The following RPTOR variants were observed in gnomAD, a reference collection of about 807,000 sequenced individuals.
RPTOR encodes the protein regulatory-associated protein of mTOR.
RPTOR carries 21 observed loss-of-function variants against 169.9 expected under a neutral mutation model. The ratio of observed to expected loss-of-function variants is 0.12; its 90% CI spans 0.09 to 0.18. The LOEUF (loss-of-function observed/expected upper bound fraction) is 0.18, where lower values mean the gene tolerates loss of function less well. Among genes scored for constraint, RPTOR ranks in the 10% least tolerant of loss-of-function variants. RPTOR has a pLI of 1.00. For missense variants in RPTOR, 1,133 were observed against 1,855.9 expected (o/e 0.61, Z 7.16); for synonymous variants, 732 against 753.2 (o/e 0.97, Z 0.46).
intron 6 of RPTOR, among the ~76,000 whole-genome samples, chr17:80,779,740 G>T (rs967307481): frequency 6.6e-6 from 1 of 152,160 alleles, no homozygotes; most frequent in Admixed American, 6.5e-5. Context: ...GATTGAACCA[G>T]CTCTTGGCAT....
intron 13 of RPTOR, among the ~76,000 whole-genome samples, chr17:80,863,952 C>G (rs77299875): frequency 0.056 from 8,538 of 151,694 alleles, 775 homozygotes; most frequent in African/African-American, 0.2. Flanking sequence ...TAGAAACTAA[C>G]AAAAATGAAG....
At chr17:80,718,027 T>C (rs2066254370) in intron 4 of RPTOR, among the ~76,000 whole-genome samples, 1 of 152,210 alleles carries the variant, frequency 6.6e-6, no homozygotes, top group South Asian at 2.1e-4. Flanking sequence ...TCCCACTTGA[T>C]ACATTTTTTT....
At chr17:80,658,568 T>A (rs963311715) in intron 3 of RPTOR, among the ~76,000 whole-genome samples, 9 of 152,198 alleles carry the variant, frequency 5.9e-5, no homozygotes, top group African/African-American at 2.2e-4. Context: ...TTCATATGTA[T>A]CCTTTTTGGT....
intron 4 of RPTOR, among the ~76,000 whole-genome samples, chr17:80,725,969 G>C (rs1394137896): frequency 6.6e-6 from 1 of 152,210 alleles, no homozygotes; most frequent in Non-Finnish European, 1.5e-5. Flanking sequence ...GCAATGTCCA[G>C]CAACCTGGAG....
chr17:80,962,121 C>G (rs1568013813), intron 31 of RPTOR, among the ~76,000 whole-genome samples: 1 of 152,202 alleles, frequency 6.6e-6, no homozygotes, highest in Non-Finnish European at 1.5e-5. Context: ...GCCCCGGTTG[C>G]ATGAAATCTA....
At position 80,846,493 on chromosome 17, in the gene RPTOR, G is replaced by A. The variant is rs1477789629; in HGVS notation, c.1233G>A (p.Glu411=). ...CGCAGCACAGCCCGTTCTTCGCCGA[G>A]CAGCTGACCGCATTCCAGGTGTGGC... ...TAFRHSPFFA[E]QLTAFQVWLT... The change falls in exon 11 of 34, where the codon GAG becomes GAA. Residue 411 remains glutamate, a synonymous_variant. Transcript: ENST00000306801. 1.2e-6 allele frequency: 2 copies of A among 1,614,170 alleles called. No homozygotes were observed. Among genetic ancestry groups the A allele is most frequent in the South Asian group, 2.2e-5 (2 of 91,086 alleles).
intron 20 of RPTOR, among the ~76,000 whole-genome samples, chr17:80,901,556 A>G (rs914695376): frequency 2.0e-5 from 3 of 152,170 alleles, no homozygotes; most frequent in African/African-American, 7.2e-5. Context: ...CCACCTGGAA[A>G]CCACCGTGCT....
intron 21 of RPTOR, among the ~76,000 whole-genome samples, chr17:80,918,168 T>C (rs1598400121): frequency 6.6e-6 from 1 of 152,340 alleles, no homozygotes; most frequent in Admixed American, 6.5e-5. Flanking sequence ...GAGGGCAGCA[T>C]CAGCCTGGAC....
chr17:80,947,208 C>A lies in RPTOR; in HGVS notation c.3141-19C>A, dbSNP rs2069114689. 2 of 1,557,924 alleles carry A rather than the reference C, an allele frequency of 1.3e-6. No homozygotes were observed. The highest frequency in any genetic ancestry group is 1.4e-5 in the African/African-American group (1 of 71,970). On this transcript the variant is annotated intron_variant, in intron 26 of 33. Transcript: ENST00000306801. This position sits in a 1 kb window ranked among gnomAD's most constrained non-coding sequence, Gnocchi z 4.4. ...GCAGTTTCCTAATGACTTTTTTATT[C>A]CTCTCTTCTTCCCTTAAGCTTTTGG...
intron 3 of RPTOR, among the ~76,000 whole-genome samples, chr17:80,686,534 G>T (rs2065949392): frequency 1.3e-5 from 2 of 151,924 alleles, no homozygotes; most frequent in African/African-American, 4.8e-5. Flanking sequence ...CGTGAATGAA[G>T]AGAAAGGTAA....
At chr17:80,813,249 T>C (rs772561334) in intron 7 of RPTOR, among the ~76,000 whole-genome samples, 1 of 152,218 alleles carries the variant, frequency 6.6e-6, no homozygotes, top group Non-Finnish European at 1.5e-5. Context: ...TCATTTTAAA[T>C]AAAGAGAGGC....
At chr17:80,926,414 G>T (rs143086779) in intron 24 of RPTOR, among the ~76,000 whole-genome samples, 2 of 152,196 alleles carry the variant, frequency 1.3e-5, no homozygotes. Context: ...GCGTCTTGCC[G>T]GGAAGCATCA....
Position 80,857,781 on chromosome 17 carries a change from C to T in RPTOR, c.1399-9C>T, listed in dbSNP as rs772916382. 7 of 1,600,824 alleles carry T rather than the reference C, an allele frequency of 4.4e-6. No homozygotes were observed. The highest frequency in any genetic ancestry group is 1.7e-5 in the Admixed American group (1 of 59,870). ...GCACAGGTGCGCTGACGCCCTCCCT[C>T]GCCCCCAGGCCTTGTCTGTCGGCAT... On this transcript the variant is annotated splice_polypyrimidine_tract_variant and intron_variant, in intron 12 of 33. Coordinates refer to ENST00000306801, the MANE Select transcript of RPTOR (RefSeq NM_020761.3).
At chr17:80,700,613 AT>A (rs2066082628) in intron 3 of RPTOR, among the ~76,000 whole-genome samples, 1 of 128,558 alleles carries the variant, frequency 7.8e-6, no homozygotes, top group African/African-American at 3.0e-5. Context: ...GATGATGGTG[AT>A]GGTGGTGGTG....
At chr17:80,758,199 C>G (rs1231520977) in intron 6 of RPTOR, among the ~76,000 whole-genome samples, 1 of 152,184 alleles carries the variant, frequency 6.6e-6, no homozygotes, top group Admixed American at 6.5e-5. Context: ...CCCTTCAAGG[C>G]AATGTGTGAT....
intron 6 of RPTOR, among the ~76,000 whole-genome samples, chr17:80,774,496 G>C (rs1259787434): frequency 1.3e-5 from 2 of 152,234 alleles, no homozygotes; most frequent in Admixed American, 6.5e-5. Flanking sequence ...GCGGCCGTCT[G>C]GGGTGGACAG....
At chr17:80,665,364 T>C (rs2065758277) in intron 3 of RPTOR, among the ~76,000 whole-genome samples, 3 of 5,300 alleles carry the variant, frequency 5.7e-4, no homozygotes, top group Non-Finnish European at 8.6e-4. Flanking sequence ...TTTCCTTTCC[T>C]TTCCTTTCCT....
rs192905815 is a variant in RPTOR at position 80,673,997 on chromosome 17, C to T, written c.348+30187C>T. On this transcript the variant is annotated intron_variant, in intron 3 of 33. Transcript: ENST00000306801. Reference sequence around the variant, plus strand: ...CTGAGAGTGTCATCATCTTGGCCCTCCTTAAAATTAATTGTCCACTTGAAA... The same window carrying T: ...CTGAGAGTGTCATCATCTTGGCCCTTCTTAAAATTAATTGTCCACTTGAAA... Among the ~76,000 whole-genome samples the T allele has an allele frequency of 1.8e-3, 273 of 152,314 alleles. 1 individual carries two copies. The highest frequency in any genetic ancestry group is 6.4e-3 in the African/African-American group (265 of 41,572).
intron 26 of RPTOR, among the ~76,000 whole-genome samples, chr17:80,946,831 C>T (rs567166170): frequency 5.3e-5 from 8 of 152,206 alleles, no homozygotes; most frequent in South Asian, 2.1e-4. Flanking sequence ...TTTGGGGATA[C>T]GCCCAGAGTG....
Sources: allele counts gnomAD v4.1 joint callset (sites outside exome capture counted in the v4.1 genomes callset), GRCh38; gene constraint gnomAD v4.1.1; non-coding constraint Gnocchi (gnomAD v3.1); transcripts MANE v1.5; gene names NCBI Gene and HGNC (gene_info 2026-07-23, HGNC 2026-07-21).